The following GFRA1 variants were observed in gnomAD, a reference collection of about 807,000 sequenced individuals.
GFRA1 encodes the protein GDNF family receptor alpha-1.
GFRA1 carries 16 observed loss-of-function variants against 51.6 expected under a neutral mutation model. The ratio of observed to expected loss-of-function variants is 0.31; its 90% CI spans 0.21 to 0.47. The LOEUF (loss-of-function observed/expected upper bound fraction) is 0.47, where lower values mean the gene tolerates loss of function less well. GFRA1 is among the 20% of genes least tolerant of loss of function. The pLI is 1.00. For missense variants in GFRA1, 530 were observed against 594.3 expected, an observed-to-expected ratio of 0.89 and a Z score of 1.13; for synonymous variants, 270 against 241.3, an observed-to-expected ratio of 1.12 and a Z score of -1.10.
At chr10:116,222,898 TAC>T (rs142890470) in intron 4 of GFRA1, among the ~76,000 whole-genome samples, 71 of 152,222 alleles carry the variant, frequency 4.7e-4, no homozygotes, top group African/African-American at 1.6e-3. Flanking sequence ...ATAAAAATAA[TAC>T]AAACTAAAAA....
chr10:116,190,949 T>G (rs1963203104), intron 5 of GFRA1, among the ~76,000 whole-genome samples: 1 of 152,120 alleles, frequency 6.6e-6, no homozygotes, highest in Non-Finnish European at 1.5e-5. Flanking sequence ...AGGTAAAAGA[T>G]CTCCCTGAAA....
chr10:116,242,146 C>A lies in GFRA1; in HGVS notation c.418+27357G>T, dbSNP rs944472371. The stretch of plus-strand genomic sequence containing the variant: ...GCTGGAATTACTCAGATAACTGCTT[C>A]ATCTCTCTATTCTTGTTTAGACACA... On this transcript the variant is annotated intron_variant, in intron 4 of 10. Transcript: ENST00000355422. 1.8e-4 allele frequency among the ~76,000 whole-genome samples: 4 copies of A among 21,740 alleles called. No individual in the cohort carries two copies. In the Non-Finnish European group the frequency reaches 0.016, roughly 88 times the overall value. 14.3% of individuals were successfully genotyped at this position (21,740 alleles called of 152,430 possible).
At chr10:116,116,471 T>A (rs923787788) in intron 6 of GFRA1, among the ~76,000 whole-genome samples, 1 of 152,188 alleles carries the variant, frequency 6.6e-6, no homozygotes, top group African/African-American at 2.4e-5. Flanking sequence ...AGGTGAGGGT[T>A]GAGGACACTG....
intron 5 of GFRA1, among the ~76,000 whole-genome samples, chr10:116,138,135 A>G (rs958467602): frequency 1.3e-5 from 2 of 152,092 alleles, no homozygotes; most frequent in African/African-American, 4.8e-5. Flanking sequence ...TGCTTCATTC[A>G]TGGAGGTGCT....
rs2134444689 is a variant in GFRA1, at chr10:116,211,611, G to C, written c.433+20C>G. Reference sequence around the variant, plus strand: ...AAGAGCACAGCCAGTGAAAAAGCAGGCAGGAAACAGTGAACTTACCTTGCT... The same window carrying C: ...AAGAGCACAGCCAGTGAAAAAGCAGCCAGGAAACAGTGAACTTACCTTGCT... On this transcript the variant is annotated intron_variant, in intron 5 of 10. Transcript: ENST00000355422. The C allele has an allele frequency of 6.5e-7, 1 of 1,547,964 alleles. No individual in the cohort carries two copies. Among genetic ancestry groups the C allele is most frequent in the East Asian group, 2.4e-5 (1 of 40,888 alleles).
chr10:116,141,879 C>T (rs147485444), intron 5 of GFRA1, among the ~76,000 whole-genome samples: 147 of 152,200 alleles, frequency 9.7e-4, no homozygotes, highest in African/African-American at 3.4e-3. Flanking sequence ...CCACCATACC[C>T]GACCTCTTTT....
rs902717469 is a variant in GFRA1, at chr10:116,178,304, G to GC, written c.433+33326_433+33327insG. The stretch of plus-strand genomic sequence containing the variant: ...CATGTGAGCCCACAAGGGGCCGGGG[G>GC]GGCGTTTTACTCCCCTCAAACTCCT... On this transcript the variant is annotated intron_variant, in intron 5 of 10. Coordinates refer to ENST00000355422, the MANE Select transcript of GFRA1 (RefSeq NM_005264.8). Among the ~76,000 whole-genome samples the GC allele has an allele frequency of 1.9e-3, 291 of 150,988 alleles. 2 individuals are homozygous for GC. The highest frequency in any genetic ancestry group is 3.4e-3 in the Non-Finnish European group (228 of 67,594).
rs569796679 is a variant in GFRA1, at chr10:116,208,295, C to T, written c.433+3336G>A. 2.6e-5 allele frequency among the ~76,000 whole-genome samples: 4 copies of T among 152,132 alleles called. No homozygotes were observed. The South Asian group carries it at 6.2e-4, about 24-fold the overall frequency. On this transcript the variant is annotated intron_variant, in intron 5 of 10. Coordinates refer to ENST00000355422, the MANE Select transcript of GFRA1 (RefSeq NM_005264.8). ...ATCACCCTGAGATATTTTCTTCATT[C>T]ATCCCTGTTTGAATTCACCTTATTT...
At chr10:116,110,124 G>A (rs1354972507) in intron 6 of GFRA1, among the ~76,000 whole-genome samples, 2 of 152,232 alleles carry the variant, frequency 1.3e-5, no homozygotes, top group East Asian at 3.9e-4. Flanking sequence ...GAGGGGTCAA[G>A]TGCAGAGGAA....
At chr10:116,111,875 A>C (rs978756467) in intron 6 of GFRA1, among the ~76,000 whole-genome samples, 5 of 152,062 alleles carry the variant, frequency 3.3e-5, no homozygotes, top group Non-Finnish European at 7.4e-5. Flanking sequence ...CCCTGAGCCC[A>C]CCCTTCCCCA....
Position 116,063,436 on chromosome 10 carries a change from T to C in GFRA1, c.*962A>G, listed in dbSNP as rs1446838514. The stretch of plus-strand genomic sequence containing the variant: ...GTGAAGTTCATATCAGAGCGAACAC[T>C]ACTTATGAGGGGAAAGAAGCTCTGT... On this transcript the variant is annotated 3_prime_UTR_variant, in exon 11 of 11. Transcript: ENST00000355422. 6.6e-6 allele frequency: 1 copy of C among 152,256 alleles called. No homozygotes were observed. The highest frequency in any genetic ancestry group is 1.5e-5 in the Non-Finnish European group (1 of 68,034). The allele number at this position is 152,256 out of a possible 1,614,324, so 9.4% of individuals were successfully genotyped here. A position where few individuals can be genotyped will look rare whatever the true frequency, so the allele number is the denominator to read the frequency against.
chr10:116,065,860 CAATATT>C (rs530961444), intron 9 of GFRA1, among the ~76,000 whole-genome samples: 2 of 152,178 alleles, frequency 1.3e-5, no homozygotes, highest in Admixed American at 6.5e-5. Context: ...AAAACGTACT[CAATATT>C]AATAAGATAC....
intron 6 of GFRA1, among the ~76,000 whole-genome samples, chr10:116,110,636 C>G (rs529112313): frequency 1.3e-5 from 2 of 152,330 alleles, no homozygotes; most frequent in South Asian, 4.1e-4. Flanking sequence ...GAACCCAGGA[C>G]AGAGACTGTT....
chr10:116,134,178 A>C (rs944698220), intron 5 of GFRA1, among the ~76,000 whole-genome samples: 1 of 152,202 alleles, frequency 6.6e-6, no homozygotes, highest in Non-Finnish European at 1.5e-5. Flanking sequence ...CAATAAAAGA[A>C]CGTTTGTTTG....
At chr10:116,246,536 G>C (rs1037726354) in intron 4 of GFRA1, among the ~76,000 whole-genome samples, 4 of 152,028 alleles carry the variant, frequency 2.6e-5, no homozygotes, top group African/African-American at 9.7e-5. Context: ...TACAACATAG[G>C]CTAGTAATTA....
chr10:116,091,830 A>G (rs1414411239), intron 8 of GFRA1, among the ~76,000 whole-genome samples: 1 of 152,186 alleles, frequency 6.6e-6, no homozygotes, highest in African/African-American at 2.4e-5. Context: ...ACTGTGAAAA[A>G]TTCTGGCTGG....
intron 5 of GFRA1, among the ~76,000 whole-genome samples, chr10:116,195,217 T>C (rs988011227): frequency 2.0e-5 from 3 of 152,184 alleles, no homozygotes; most frequent in Non-Finnish European, 4.4e-5. Context: ...AGAACTCCCT[T>C]TGTTTTAAAT....
At chr10:116,240,836 C>T (rs1026514655) in intron 4 of GFRA1, among the ~76,000 whole-genome samples, 1 of 152,128 alleles carries the variant, frequency 6.6e-6, no homozygotes, top group Non-Finnish European at 1.5e-5. Flanking sequence ...AGCTAACACA[C>T]AGGGTGCACA....
chr10:116,129,310 T>C (rs1217574626), intron 5 of GFRA1, among the ~76,000 whole-genome samples: 1 of 152,210 alleles, frequency 6.6e-6, no homozygotes, highest in Non-Finnish European at 1.5e-5. Context: ...TTTAGCAATA[T>C]CTTAAAAGGC....
Sources: gnomAD v4.1 joint callset for allele counts (sites outside exome capture counted in the v4.1 genomes callset) on GRCh38, gnomAD v4.1.1 for gene constraint, MANE v1.5 for transcripts, NCBI Gene and HGNC (gene_info 2026-07-23, HGNC 2026-07-21) for gene names.